UMAD1: variants seen among roughly 807,000 people sequenced by gnomAD.
UMAD1 encodes the protein UBAP1-MVB12-associated (UMA)-domain containing protein 1.
Under a neutral mutation model 6.1 loss-of-function variants are expected in UMAD1, and 8 were observed. The observed-to-expected ratio is 1.30, with a 90% CI of 0.76 to 2.35. The LOEUF is 2.35. Among genes scored for constraint, UMAD1 ranks in the 30% most tolerant of loss-of-function variants. UMAD1 has a pLI of 0.00. For missense variants in UMAD1, 130 were observed against 78.4 expected (o/e 1.66, Z -2.49); for synonymous variants, 56 against 31.4 (o/e 1.78, Z -2.61).
intron 2 of UMAD1, among the ~76,000 whole-genome samples, chr7:7,681,692 A>G (rs1779916212): frequency 1.3e-5 from 2 of 152,122 alleles, no homozygotes; most frequent in South Asian, 2.1e-4. Context: ...GCGATTTTTC[A>G]TAGCCTTATA....
chr7:7,772,954 T>C (rs1277953808), intron 2 of UMAD1, among the ~76,000 whole-genome samples: 1 of 152,114 alleles, frequency 6.6e-6, no homozygotes, highest in Non-Finnish European at 1.5e-5. Flanking sequence ...TTTTCTTTAA[T>C]GGTTCAAAGG....
At chr7:7,665,869 A>G (rs1278725188) in intron 1 of UMAD1, among the ~76,000 whole-genome samples, 1 of 144,352 alleles carries the variant, frequency 6.9e-6, no homozygotes, top group South Asian at 2.2e-4. Flanking sequence ...ATGTATCACT[A>G]TTTTGTTTCC....
At chr7:7,857,697 C>G (rs1385694128) in intron 3 of UMAD1, among the ~76,000 whole-genome samples, 2 of 152,178 alleles carry the variant, frequency 1.3e-5, no homozygotes, top group African/African-American at 4.8e-5. Context: ...TCCAAACAGC[C>G]TGTAATTTCA....
intron 3 of UMAD1, among the ~76,000 whole-genome samples, chr7:7,812,774 C>A (rs1402746453): frequency 2.7e-5 from 4 of 149,022 alleles, no homozygotes; most frequent in Non-Finnish European, 5.9e-5. Context: ...GTTGGGAGAA[C>A]AACTGTTCCC....
chr7:7,689,366 G>A (rs1020531429), intron 2 of UMAD1: 3 of 152,244 alleles, frequency 2.0e-5, no homozygotes, highest in East Asian at 3.9e-4. Flanking sequence ...GTCACATGTC[G>A]AAGATGGCAG....
chr7:7,817,037 C>T (rs553627469), intron 3 of UMAD1, among the ~76,000 whole-genome samples: 2 of 152,168 alleles, frequency 1.3e-5, no homozygotes, highest in South Asian at 4.1e-4. Flanking sequence ...TCTGTGTAAA[C>T]GTTCAGGTCT....
At chr7:7,825,618 A>G (rs554267309) in intron 3 of UMAD1, among the ~76,000 whole-genome samples, 10 of 152,262 alleles carry the variant, frequency 6.6e-5, no homozygotes, top group African/African-American at 2.4e-4. Context: ...TTCCCACAAC[A>G]TGTGGGAATT....
At chr7:7,698,591 C>T (rs1490339813) in intron 2 of UMAD1, among the ~76,000 whole-genome samples, 1 of 151,964 alleles carries the variant, frequency 6.6e-6, no homozygotes, top group East Asian at 1.9e-4. Context: ...ACTGGAGATC[C>T]TGTTTAGGCA....
At chr7:7,740,967 A>C (rs1236998237) in intron 2 of UMAD1, 4 of 152,226 alleles carry the variant, frequency 2.6e-5, no homozygotes, top group African/African-American at 9.6e-5. Flanking sequence ...TTGTGGGAAT[A>C]AGTTTAAAGT....
rs1182180952 is a variant in UMAD1, at chr7:7,683,479, CT to C, written c.82+10032del. On this transcript the variant is annotated intron_variant, in intron 2 of 3. Coordinates refer to ENST00000682710, the MANE Select transcript of UMAD1 (RefSeq NM_001302348.2). ...TTCATAAAATATAAAGTTACAGTTT[CT>C]TTTTTAGTTGAGCCATAAACAAAAA... 3.9e-5 allele frequency among the ~76,000 whole-genome samples: 6 copies of C among 152,206 alleles called. No homozygotes were observed. In the East Asian group the frequency reaches 5.8e-4, roughly 15 times the overall value.
intron 2 of UMAD1, among the ~76,000 whole-genome samples, chr7:7,704,769 A>AG (rs1780556472): frequency 7.0e-6 from 1 of 142,172 alleles, no homozygotes; most frequent in Non-Finnish European, 1.5e-5. Flanking sequence ...TCCATCTCAA[A>AG]AAAAAAAAAA....
intron 3 of UMAD1, among the ~76,000 whole-genome samples, chr7:7,851,196 G>A (rs1027221734): frequency 2.0e-5 from 3 of 152,050 alleles, no homozygotes; most frequent in Admixed American, 2.0e-4. Context: ...TTAGTGTAAC[G>A]TTTTCAAGGG....
At chr7:7,653,341 C>A (rs1235398173) in intron 1 of UMAD1, among the ~76,000 whole-genome samples, 1 of 152,150 alleles carries the variant, frequency 6.6e-6, no homozygotes, top group Non-Finnish European at 1.5e-5. Context: ...CTGTAAATTG[C>A]CTTCTTTGTC....
chr7:7,793,252 A>G (rs1782604770), intron 2 of UMAD1, among the ~76,000 whole-genome samples: 1 of 152,202 alleles, frequency 6.6e-6, no homozygotes. Flanking sequence ...AAATTGAGGC[A>G]CTGAGAAGTA....
intron 1 of UMAD1, among the ~76,000 whole-genome samples, chr7:7,663,247 AG>A (rs1785520771): frequency 6.8e-6 from 1 of 148,050 alleles, no homozygotes; most frequent in African/African-American, 2.5e-5. Flanking sequence ...TGGAACTTGC[AG>A]TTTGAAGCAA....
At chr7:7,867,871 G>C (rs1216870081) in intron 3 of UMAD1, among the ~76,000 whole-genome samples, 1 of 152,158 alleles carries the variant, frequency 6.6e-6, no homozygotes, top group South Asian at 2.1e-4. Flanking sequence ...CCATGTCCTT[G>C]AAGAGTTTGC....
At chr7:7,664,337 C>T (rs1779382185) in intron 1 of UMAD1, among the ~76,000 whole-genome samples, 1 of 151,986 alleles carries the variant, frequency 6.6e-6, no homozygotes, top group African/African-American at 2.4e-5. Flanking sequence ...TGGCTCCAGG[C>T]TCTTCTCAGT....
At chr7:7,685,438 T>C (rs1780022151) in intron 2 of UMAD1, among the ~76,000 whole-genome samples, 1 of 151,734 alleles carries the variant, frequency 6.6e-6, no homozygotes, top group Non-Finnish European at 1.5e-5. Flanking sequence ...GCCTTCCGAG[T>C]AGCTGGGACT....
intron 2 of UMAD1, among the ~76,000 whole-genome samples, chr7:7,705,314 A>G (rs1173147269): frequency 6.6e-6 from 1 of 152,246 alleles, no homozygotes; most frequent in Non-Finnish European, 1.5e-5. Context: ...ATAAAAAAAT[A>G]GAATCTTAAA....
Sources: allele counts gnomAD v4.1 joint callset (sites outside exome capture counted in the v4.1 genomes callset), GRCh38; gene constraint gnomAD v4.1.1; transcripts MANE v1.5; gene names NCBI Gene and HGNC (gene_info 2026-07-23, HGNC 2026-07-21).